The following HECTD4 variants were observed in gnomAD, a reference collection of about 807,000 sequenced individuals.
HECTD4 encodes probable E3 ubiquitin-protein ligase HECTD4.
Under a neutral mutation model 471.5 loss-of-function variants are expected in HECTD4, and 114 were observed. That is an observed-to-expected ratio of 0.24 (90% CI 0.21 to 0.28). HECTD4 has a LOEUF of 0.28. Ranked by LOEUF, HECTD4 falls within the 10% of genes least tolerant of loss-of-function variation. The pLI, the probability that HECTD4 is intolerant of heterozygous loss-of-function variation, is 1.00. For missense variants in HECTD4, 3,866 were observed against 5,651.5 expected (o/e 0.68, Z 10.13); for synonymous variants, 2,012 against 2,256.0 (o/e 0.89, Z 3.07).
chr12:112,376,928 C>A (rs2036791912), intron 1 of HECTD4, among the ~76,000 whole-genome samples: 1 of 152,008 alleles, frequency 6.6e-6, no homozygotes, highest in African/African-American at 2.4e-5. Flanking sequence ...GCCTGACCAA[C>A]ATGGTGAAAC....
At chr12:112,212,361 T>TA (rs2032789112) in intron 49 of HECTD4, 126 bp downstream of exon 49, 1 of 746,470 alleles carries the variant, frequency 1.3e-6, no homozygotes, top group Non-Finnish European at 2.2e-6. Context: ...GCTCTGCCCT[T>TA]CCTCTGCCAT....
At chr12:112,362,006 T>G (rs1171932084) in intron 1 of HECTD4, among the ~76,000 whole-genome samples, 1 of 152,110 alleles carries the variant, frequency 6.6e-6, no homozygotes, top group East Asian at 1.9e-4. Context: ...AATAAACCGG[T>G]AGGATCAGAA....
intron 7 of HECTD4, among the ~76,000 whole-genome samples, chr12:112,285,482 C>G (rs1380578338): frequency 6.6e-6 from 1 of 152,196 alleles, no homozygotes; most frequent in East Asian, 1.9e-4. Flanking sequence ...TCATTATCTA[C>G]ACAGCACGTA....
At chr12:112,325,891 C>T (rs1323446277) in intron 1 of HECTD4, among the ~76,000 whole-genome samples, 2 of 150,566 alleles carry the variant, frequency 1.3e-5, no homozygotes, top group South Asian at 2.1e-4. Flanking sequence ...TGCAGTGGAA[C>T]GATCATGGCT....
chr12:112,193,038 C>A lies in HECTD4; in HGVS notation c.9086+23G>T. 6.2e-7 allele frequency: 1 copy of A among 1,613,556 alleles called. No individual in the cohort carries two copies. Among genetic ancestry groups the A allele is most frequent in the Non-Finnish European group, 8.5e-7 (1 of 1,179,624 alleles). On this transcript the variant is annotated intron_variant, in intron 58 of 75. Transcript: ENST00000682272. The surrounding 1 kb of genome is among the most constrained non-coding windows in gnomAD (Gnocchi z 5.2). ...TTAGCTTTCCTCTCCCCATCACCAT[C>A]TTCTTGAGAACAGGCAACTTACTCT...
chr12:112,225,200 T>G (rs879415520), intron 44 of HECTD4, among the ~76,000 whole-genome samples: 1 of 149,116 alleles, frequency 6.7e-6, no homozygotes, highest in Admixed American at 6.8e-5. Flanking sequence ...AATTTAAAAA[T>G]AAAAAGAAAA....
intron 1 of HECTD4, among the ~76,000 whole-genome samples, chr12:112,365,772 G>GTTTTTTTTT (rs5800943): frequency 1.1e-5 from 1 of 91,978 alleles, no homozygotes; most frequent in Non-Finnish European, 2.2e-5. Context: ...TTTTTTTTTT[G>GTTTTTTTTT]TTTTTTTTTT....
intron 61 of HECTD4, among the ~76,000 whole-genome samples, 167 bp from the exon 62 acceptor site, chr12:112,183,433 G>C (rs2031747164): frequency 1.3e-5 from 2 of 152,110 alleles, no homozygotes; most frequent in African/African-American, 4.8e-5. Flanking sequence ...TTCTCCCACA[G>C]GCCAACAACA....
At chr12:112,288,836 TG>T (rs1450542053) in intron 7 of HECTD4, among the ~76,000 whole-genome samples, 1 of 152,210 alleles carries the variant, frequency 6.6e-6, no homozygotes, top group Non-Finnish European at 1.5e-5. Flanking sequence ...GCTGCAGATG[TG>T]ACTTCAGCTT....
intron 48 of HECTD4, among the ~76,000 whole-genome samples, chr12:112,214,454 G>A (rs982244696): frequency 6.6e-6 from 1 of 152,136 alleles, no homozygotes; most frequent in African/African-American, 2.4e-5. Flanking sequence ...CCAGAAGAGG[G>A]TCTAGCAGGT....
chr12:112,175,952 AC>A, intron 65 of HECTD4, 93 bp from the exon 66 acceptor site: 2 of 1,486,382 alleles, frequency 1.3e-6, no homozygotes, highest in Non-Finnish European at 9.2e-7. Flanking sequence ...CCTCTCCCCT[AC>A]GGCCCAACCC....
Position 112,163,744 on chromosome 12 carries a change from GGGTGAGGAGCACA to G in HECTD4, c.12702-20_12702-8del. 6.9e-7 allele frequency: 1 copy of G among 1,459,362 alleles called. No homozygotes were observed. 90.4% of individuals were successfully genotyped at this position (1,459,362 alleles called of 1,614,324 possible). On this transcript the variant is annotated splice_polypyrimidine_tract_variant and splice_region_variant and intron_variant, in intron 73 of 75. Coordinates refer to ENST00000682272, the MANE Select transcript of HECTD4 (RefSeq NM_001388303.1). The surrounding 1 kb of genome is among the most constrained non-coding windows in gnomAD (Gnocchi z 8.2). The stretch of plus-strand genomic sequence containing the variant: ...GATGTCCTTGTTCTCCCACCTGCCC[GGGTGAGGAGCACA>G]GGTGAGGGAGAACACCGCCGAAGAG...
intron 50 of HECTD4, 140 bp from the exon 51 acceptor site, chr12:112,208,770 A>G: frequency 1.6e-6 from 1 of 609,970 alleles, no homozygotes; most frequent in Non-Finnish European, 2.5e-6. Context: ...GTTAAATCAC[A>G]GAGTCTAGGA....
chr12:112,378,515 C>T (rs1212831058), intron 1 of HECTD4, among the ~76,000 whole-genome samples: 1 of 151,978 alleles, frequency 6.6e-6, no homozygotes, highest in Non-Finnish European at 1.5e-5. Context: ...TGAGCCACTG[C>T]GACCGGCGTA....
chr12:112,363,568 T>C (rs2036497860), intron 1 of HECTD4, among the ~76,000 whole-genome samples: 1 of 152,216 alleles, frequency 6.6e-6, no homozygotes, highest in African/African-American at 2.4e-5. Flanking sequence ...ATTAATATTT[T>C]TAGAACGATG....
chr12:112,212,235 TG>T (rs1406865108), intron 49 of HECTD4, among the ~76,000 whole-genome samples: 1 of 152,194 alleles, frequency 6.6e-6, no homozygotes, highest in African/African-American at 2.4e-5. Context: ...CATTGTTGTC[TG>T]GGAAAGGTTG....
intron 1 of HECTD4, among the ~76,000 whole-genome samples, chr12:112,376,296 G>A (rs1207581770): frequency 6.6e-6 from 1 of 151,866 alleles, no homozygotes; most frequent in Admixed American, 6.6e-5. Flanking sequence ...GCCCAGGCTG[G>A]AGCGCAGTGG....
intron 7 of HECTD4, among the ~76,000 whole-genome samples, chr12:112,289,629 G>T (rs1019327587): frequency 5.3e-5 from 8 of 151,940 alleles, no homozygotes; most frequent in African/African-American, 1.7e-4. Flanking sequence ...TTGGAAATCT[G>T]GGGGGAAGAA....
Position 112,235,030 on chromosome 12 carries a change from A to G in HECTD4, c.5915+47T>C, listed in dbSNP as rs1168596644. The G allele has an allele frequency of 4.6e-6, 7 of 1,519,546 alleles. No homozygotes were observed. The highest frequency in any genetic ancestry group is 2.5e-5 in the East Asian group (1 of 40,794). 94.1% of individuals were successfully genotyped at this position (1,519,546 alleles called of 1,614,324 possible). A position where few individuals can be genotyped will look rare whatever the true frequency, so the allele number is the denominator to read the frequency against. Reference sequence around the variant, plus strand: ...GCTTACTTAGCACAGTGCCTGTGACATGGGTGGTGCTTGAGGATGTGTAGC... The same window carrying G: ...GCTTACTTAGCACAGTGCCTGTGACGTGGGTGGTGCTTGAGGATGTGTAGC... On this transcript the variant is annotated intron_variant, in intron 37 of 75. Transcript: ENST00000682272. This position sits in a 1 kb window ranked among gnomAD's most constrained non-coding sequence, Gnocchi z 5.0.
Sources: allele counts gnomAD v4.1 joint callset (sites outside exome capture counted in the v4.1 genomes callset), GRCh38; gene constraint gnomAD v4.1.1; non-coding constraint Gnocchi (gnomAD v3.1); transcripts MANE v1.5; gene names NCBI Gene and HGNC (gene_info 2026-07-23, HGNC 2026-07-21).